The following PCSK5 variants were observed in gnomAD, a reference collection of about 807,000 sequenced individuals.
PCSK5 encodes the protein prohormone convertase 5.
In PCSK5, 129 loss-of-function variants were observed where a neutral mutation model predicts 233.2. The observed-to-expected ratio is 0.55, with a 90% CI of 0.48 to 0.64. The LOEUF is 0.64. PCSK5 is among the 30% of genes least tolerant of loss of function. The probability of loss-of-function intolerance (pLI) is 0.00; values close to 1 mark genes in which losing one functional copy is unlikely to be tolerated. For missense variants in PCSK5, 2,076 were observed against 2,430.1 expected, an observed-to-expected ratio of 0.85 and a Z score of 3.06; for synonymous variants, 825 against 879.2, an observed-to-expected ratio of 0.94 and a Z score of 1.09.
intron 2 of PCSK5, among the ~76,000 whole-genome samples, chr9:75,958,249 C>T (rs1305589061): frequency 1.3e-5 from 2 of 152,180 alleles, no homozygotes; most frequent in African/African-American, 4.8e-5. Flanking sequence ...TGGGTGAGAA[C>T]AATCCCCTGT....
chr9:76,297,182 T>C (rs1158982762), intron 27 of PCSK5, among the ~76,000 whole-genome samples: 1 of 152,158 alleles, frequency 6.6e-6, no homozygotes, highest in Non-Finnish European at 1.5e-5. Flanking sequence ...GAAATGGCCC[T>C]GGTATCATTT....
chr9:75,948,566 G>T (rs1270547998), intron 2 of PCSK5, among the ~76,000 whole-genome samples: 1 of 152,030 alleles, frequency 6.6e-6, no homozygotes, highest in Admixed American at 6.6e-5. Context: ...ATCATCGATG[G>T]ACATTTGGGT....
At chr9:76,097,380 C>T (rs1322668036) in intron 8 of PCSK5, among the ~76,000 whole-genome samples, 2 of 143,952 alleles carry the variant, frequency 1.4e-5, no homozygotes, top group East Asian at 4.1e-4. Flanking sequence ...CTGCCTCAGC[C>T]TCCCGAGTAG....
chr9:76,028,127 C>T (rs1265726357), intron 5 of PCSK5, among the ~76,000 whole-genome samples: 2 of 152,158 alleles, frequency 1.3e-5, no homozygotes, highest in African/African-American at 4.8e-5. Flanking sequence ...TAAATCTTCT[C>T]GATCAGATTC....
chr9:76,029,316 A>G (rs1278359746), intron 5 of PCSK5, among the ~76,000 whole-genome samples: 1 of 152,222 alleles, frequency 6.6e-6, no homozygotes, highest in Non-Finnish European at 1.5e-5. Context: ...ATTTGAAAGC[A>G]TTAGTTTGGG....
chr9:75,931,815 T>C (rs1242155766), intron 1 of PCSK5, among the ~76,000 whole-genome samples: 1 of 152,240 alleles, frequency 6.6e-6, no homozygotes, highest in Non-Finnish European at 1.5e-5. Context: ...TTTTAGATAT[T>C]GCGATTTTAC....
intron 20 of PCSK5, chr9:76,209,454 A>G: frequency 2.0e-6 from 1 of 493,672 alleles, no homozygotes; most frequent in Non-Finnish European, 4.0e-6. Flanking sequence ...CAGGAAGGAG[A>G]TCTGTGTTTT....
intron 2 of PCSK5, among the ~76,000 whole-genome samples, chr9:75,985,529 G>A (rs980861759): frequency 1.3e-5 from 2 of 151,934 alleles, no homozygotes; most frequent in Admixed American, 6.6e-5. Flanking sequence ...ATCCTGGAGC[G>A]TTTTGATCCC....
At chr9:76,102,830 A>G (rs1327611864) in intron 8 of PCSK5, among the ~76,000 whole-genome samples, 1 of 152,252 alleles carries the variant, frequency 6.6e-6, no homozygotes, top group East Asian at 1.9e-4. Context: ...GTTGAAGTAT[A>G]GAATGAAATG....
chr9:75,908,937 C>A (rs12339377), intron 1 of PCSK5, among the ~76,000 whole-genome samples: 989 of 89,010 alleles, frequency 0.011, 4 homozygotes, highest in African/African-American at 0.022. Flanking sequence ...CTATCTCTCT[C>A]TCTGTCTATC....
intron 22 of PCSK5, among the ~76,000 whole-genome samples, chr9:76,237,577 G>A (rs1826287960): frequency 6.6e-6 from 1 of 151,756 alleles, no homozygotes; most frequent in Non-Finnish European, 1.5e-5. Context: ...AGACCAGCCT[G>A]GGCAACATGG....
chr9:76,106,477 T>C (rs1385445737), intron 8 of PCSK5, among the ~76,000 whole-genome samples: 1 of 152,222 alleles, frequency 6.6e-6, no homozygotes, highest in African/African-American at 2.4e-5. Context: ...GGTAATATTA[T>C]TCCGTCACAG....
In PCSK5 at chr9:76,358,477, C is replaced by T. The variant is rs1245906387; in HGVS notation, c.5255-36C>T. ...TCTATTCTATTTCTTTCACTTTTTC[C>T]CTCTTGCCTCTTCCTTTGAGGTCTT... On this transcript the variant is annotated intron_variant, in intron 37 of 37. Coordinates refer to ENST00000674117, the MANE Select transcript of PCSK5 (RefSeq NM_001372043.1). The T allele has an allele frequency of 3.2e-6, 5 of 1,544,118 alleles. No individual in the cohort carries two copies. In the Admixed American group the frequency reaches 9.4e-5, roughly 29 times the overall value.
intron 3 of PCSK5, among the ~76,000 whole-genome samples, chr9:76,019,890 T>C (rs933149322): frequency 6.6e-6 from 1 of 152,266 alleles, no homozygotes; most frequent in South Asian, 2.1e-4. Context: ...ATTTTATGTG[T>C]CCAGTGTCAT....
chr9:75,968,713 G>A lies in PCSK5; in HGVS notation c.298-17419G>A, dbSNP rs182225748. Among the ~76,000 whole-genome samples, 15 of 152,294 alleles carry A rather than the reference G, an allele frequency of 9.8e-5. No homozygotes were observed. In the South Asian group the frequency reaches 2.1e-3, roughly 21 times the overall value. On this transcript the variant is annotated intron_variant, in intron 2 of 37. Transcript: ENST00000674117. ...ATTAGGGATTTCAGTGAGCAAGATG[G>A]AGAAAATGAGCATCTAAGTTAGAGT...
At chr9:76,059,602 T>C (rs1829953532) in intron 5 of PCSK5, among the ~76,000 whole-genome samples, 1 of 152,164 alleles carries the variant, frequency 6.6e-6, no homozygotes, top group Non-Finnish European at 1.5e-5. Context: ...CAGCACCATC[T>C]ATTAAATAGG....
intron 2 of PCSK5, among the ~76,000 whole-genome samples, chr9:75,984,673 T>G (rs920089269): frequency 1.3e-5 from 2 of 152,196 alleles, no homozygotes; most frequent in Admixed American, 1.3e-4. Flanking sequence ...TGTGGAATAC[T>G]TGTTACATTT....
intron 10 of PCSK5, among the ~76,000 whole-genome samples, chr9:76,152,073 G>A (rs1823698681): frequency 6.6e-6 from 1 of 152,134 alleles, no homozygotes; most frequent in Non-Finnish European, 1.5e-5. Flanking sequence ...ATGGTTATGT[G>A]CATCCGAACA....
chr9:76,256,106 GTTCCTTAGTTGTGTCTCCTGACAT>G (rs1309804448), intron 24 of PCSK5, among the ~76,000 whole-genome samples: 12 of 152,176 alleles, frequency 7.9e-5, no homozygotes, highest in African/African-American at 2.7e-4. Flanking sequence ...TACATTCTCT[GTTCCTTAGTTGTGTCTCCTGACAT>G]TTCCTTTGCT....
Sources: allele counts gnomAD v4.1 joint callset (sites outside exome capture counted in the v4.1 genomes callset), GRCh38; gene constraint gnomAD v4.1.1; transcripts MANE v1.5; gene names NCBI Gene and HGNC (gene_info 2026-07-23, HGNC 2026-07-21).